The following LILRB5 variants were observed in gnomAD, a reference collection of about 807,000 sequenced individuals.
LILRB5 encodes leukocyte immunoglobulin-like receptor subfamily B member 5.
A neutral mutation model predicts 68.4 loss-of-function variants in LILRB5; 61 were observed. The observed-to-expected ratio is 0.89, with a 90% CI of 0.73 to 1.10. The LOEUF (loss-of-function observed/expected upper bound fraction) is 1.10, where lower values mean the gene tolerates loss of function less well. Among genes scored for constraint, LILRB5 ranks in the 50% least tolerant of loss-of-function variants. The pLI, the probability that LILRB5 is intolerant of heterozygous loss-of-function variation, is 0.00. For synonymous variants in LILRB5, 356 were observed against 315.8 expected, an observed-to-expected ratio of 1.13 and a Z score of -1.35; for missense variants, 771 against 751.6, an observed-to-expected ratio of 1.03 and a Z score of -0.30.
Position 54,254,801 on chromosome 19 carries a change from T to C in LILRB5, c.1189A>G (p.Ser397Gly). 1 of 1,614,128 alleles carries C rather than the reference T, an allele frequency of 6.2e-7. No homozygotes were observed. Among genetic ancestry groups the C allele is most frequent in the Non-Finnish European group, 8.5e-7 (1 of 1,179,990 alleles). ...SAQGGTYRCY[S>G]AIRSYPYLLS... The stretch of plus-strand genomic sequence containing the variant: ...AGGTAGGGGTAGGACCTGATTGCGC[T>C]GTAGCATCGGTAGGTTCCACCCTGG... The change falls in exon 6 of 13, where the codon AGC (serine) becomes GGC (glycine). Residue 397 changes from serine to glycine, a missense_variant. Transcript: ENST00000449561.
chr19:54,254,862 G>T lies in LILRB5; in HGVS notation c.1128C>A (p.His376Gln), dbSNP rs1265207530. 1 of 1,614,014 alleles carries T rather than the reference G, an allele frequency of 6.2e-7. No homozygotes were observed. The highest frequency in any genetic ancestry group is 8.5e-7 in the Non-Finnish European group (1 of 1,180,002). Residue 376 changes from histidine to glutamine, a missense_variant, in exon 6 of 13, where the codon CAC becomes CAA. By Grantham distance (24) the His-to-Gln change is conservative (BLOSUM62 0). Coordinates refer to ENST00000449561, the MANE Select transcript of LILRB5 (RefSeq NM_001081442.3). The part of the protein sequence containing the change: ...CLKSKYQSYR[H>Q]QAEFSMSPVT... ...CAGGACTCATGGAGAATTCAGCCTG[G>T]TGTCTATAAGACTGGTACTTTGACT... is the stretch of plus-strand genomic sequence containing the variant.
At chr19:54,252,021 C>T (rs750679576) in intron 12 of LILRB5, 33 bp downstream of exon 12, 26 of 1,604,762 alleles carry the variant, frequency 1.6e-5, no homozygotes, top group East Asian at 4.5e-5. Flanking sequence ...CACCAGGAGG[C>T]CTTTGGTGCC....
At position 54,250,588 on chromosome 19, in the gene LILRB5, C is replaced by CA. The variant is rs1272325452; in HGVS notation, c.*197dup. 5.8e-5 allele frequency: 36 copies of CA among 620,026 alleles called. No homozygotes were observed. The highest frequency in any genetic ancestry group is 6.1e-5 in the Non-Finnish European group (22 of 362,666). 38.4% of individuals were successfully genotyped at this position (620,026 alleles called of 1,614,324 possible). ...TGATTTATTGAGAAGTCTGTGGCTT[C>CA]ATTTCAAAAATGCAAGGATATTAGT... On this transcript the variant is annotated 3_prime_UTR_variant, in exon 13 of 13. Transcript: ENST00000449561.
intron 12 of LILRB5, chr19:54,251,830 C>A: frequency 1.4e-6 from 1 of 722,096 alleles, no homozygotes; most frequent in Admixed American, 2.0e-5. Flanking sequence ...AACCAGACGG[C>A]CAAACAGAGG....
chr19:54,254,596 AG>A, intron 6 of LILRB5, 138 bp downstream of exon 6: 2 of 1,268,044 alleles, frequency 1.6e-6, no homozygotes, highest in South Asian at 1.3e-5. Flanking sequence ...CTCCCCTCTG[AG>A]GGGTGAGTCT....
At chr19:54,254,708 T>C (rs2147640407) in intron 6 of LILRB5, 27 bp downstream of exon 6, 3 of 1,612,382 alleles carry the variant, frequency 1.9e-6, no homozygotes, top group African/African-American at 1.3e-5. Context: ...CCTTTGAGCT[T>C]GGACAGGACA....
At position 54,250,901 on chromosome 19, in the gene LILRB5, G is replaced by C. The variant is rs771276370; in HGVS notation, c.1661C>G (p.Thr554Ser). 1.9e-6 allele frequency: 3 copies of C among 1,612,142 alleles called. No individual in the cohort carries two copies. The South Asian group carries it at 3.3e-5, about 18-fold the overall frequency. The change falls in exon 13 of 13, where the codon ACC becomes AGC. Residue 554 changes from threonine (T) to serine (S), a missense_variant. Coordinates refer to ENST00000449561, the MANE Select transcript of LILRB5 (RefSeq NM_001081442.3). ...GGTCAAGCTGTGCAGCTGGGCGTAG[G>C]TCACATCCTGGGGGGCTTCAGATGC... ...AAASEAPQDVTYAQLHSLTLR... is the reference protein window; with the variant it reads ...AAASEAPQDVSYAQLHSLTLR...
intron 8 of LILRB5, chr19:54,253,672 A>T: frequency 1.4e-6 from 1 of 692,264 alleles, no homozygotes; most frequent in Non-Finnish European, 2.4e-6. Context: ...CCACGGTGGG[A>T]TGCGGCAGAG....
intron 6 of LILRB5, 36 bp from the exon 7 acceptor site, chr19:54,254,451 G>C (rs772206716): frequency 3.2e-6 from 5 of 1,552,478 alleles, no homozygotes; most frequent in Non-Finnish European, 4.3e-6. Flanking sequence ...GAGGCGCTTT[G>C]GTGCTGAGTG....
intron 8 of LILRB5, chr19:54,253,644 A>C: frequency 1.7e-6 from 1 of 584,322 alleles, no homozygotes; most frequent in Non-Finnish European, 3.1e-6. Flanking sequence ...TCAGAGTAGA[A>C]AGTTGACCTG....
intron 7 of LILRB5, 53 bp from the exon 8 acceptor site, chr19:54,254,121 C>A (rs1381323099): frequency 2.4e-5 from 37 of 1,560,548 alleles, no homozygotes; most frequent in Non-Finnish European, 2.9e-5. Flanking sequence ...CCCACATCAG[C>A]CCGGCTGCTC....
chr19:54,256,362 G>A lies in LILRB5; in HGVS notation c.356-20C>T, dbSNP rs374094808. 17 of 1,591,896 alleles carry A rather than the reference G, an allele frequency of 1.1e-5. No homozygotes were observed. The highest frequency in any genetic ancestry group is 9.0e-5 in the South Asian group (8 of 88,720). On this transcript the variant is annotated intron_variant, in intron 3 of 12. Transcript: ENST00000449561. ...AGAATCCTAGCAGAGAAGGAGGCAC[G>A]TCTTAAGTGGGGCTCCGACCTCCCA...
intron 4 of LILRB5, 45 bp from the exon 5 acceptor site, chr19:54,255,627 C>T (rs1445935934): frequency 6.4e-7 from 1 of 1,571,418 alleles, no homozygotes; most frequent in Non-Finnish European, 8.7e-7. Flanking sequence ...GGTTCCTCCC[C>T]CGCCCCTTCC....
chr19:54,253,700 G>T, intron 8 of LILRB5: 8 of 891,258 alleles, frequency 9.0e-6, no homozygotes, highest in Non-Finnish European at 1.4e-5. Context: ...GTGAACCCAG[G>T]AGTCTGACCC....
chr19:54,254,327 C>T (rs773226206), intron 7 of LILRB5, 38 bp downstream of exon 7: 5 of 1,549,740 alleles, frequency 3.2e-6, no homozygotes, highest in Admixed American at 4.0e-5. Flanking sequence ...TGGGGGGAGA[C>T]CACGCTCCCT....
At chr19:54,252,741 A>T in intron 9 of LILRB5, 130 bp downstream of exon 9, 1 of 1,051,566 alleles carries the variant, frequency 9.5e-7, no homozygotes, top group Non-Finnish European at 1.4e-6. Context: ...TTCTTTCTCG[A>T]TCGATTTTTC....
rs1569057562 is a variant in LILRB5, at chr19:54,255,031, A to G, written c.959T>C (p.Ile320Thr). Residue 320 changes from isoleucine to threonine, a missense_variant, in exon 6 of 13, where the codon ATC (isoleucine) becomes ACC (threonine). Physicochemically the swap from Ile to Thr is moderately conservative, Grantham distance 89. Coordinates refer to ENST00000449561, the MANE Select transcript of LILRB5 (RefSeq NM_001081442.3). Reference sequence around the variant, plus strand: ...CACCGAGAGGGCGGGTATGTCAGGGATCAGTCCTGGAGAGAAGAAGGATGG... The same window carrying G: ...CACCGAGAGGGCGGGTATGTCAGGGGTCAGTCCTGGAGAGAAGAAGGATGG... ...DPLDILIAGLIPDIPALSVQP... is the reference protein window; with the variant it reads ...DPLDILIAGLTPDIPALSVQP... The G allele has an allele frequency of 3.1e-6, 5 of 1,605,728 alleles. No individual in the cohort carries two copies. Among genetic ancestry groups the G allele is most frequent in the Non-Finnish European group, 4.3e-6 (5 of 1,175,130 alleles).
chr19:54,253,761 A>G (rs1395678306), intron 8 of LILRB5: 10 of 1,315,122 alleles, frequency 7.6e-6, no homozygotes, highest in Middle Eastern at 2.6e-4. Context: ...GCAGGGAAAG[A>G]GCCTGAATGC....
chr19:54,254,259 G>T, intron 7 of LILRB5, 106 bp downstream of exon 7: 1 of 1,465,082 alleles, frequency 6.8e-7, no homozygotes, highest in Non-Finnish European at 9.2e-7. Context: ...TCCCTGGAGG[G>T]AAGCTCCCGC....
Sources: gnomAD v4.1 joint callset for allele counts on GRCh38, gnomAD v4.1.1 for gene constraint, MANE v1.5 for transcripts, NCBI Gene and HGNC (gene_info 2026-07-23, HGNC 2026-07-21) for gene names.